Variants in GRIK2 observed in about 807,000 individuals in gnomAD.
GRIK2 encodes the protein glutamate receptor ionotropic, kainate 2.
A neutral mutation model predicts 100.3 loss-of-function variants in GRIK2; 32 were observed. That is an observed-to-expected ratio of 0.32 (90% CI 0.24 to 0.43). The LOEUF is 0.43. Among genes scored for constraint, GRIK2 ranks in the 20% least tolerant of loss-of-function variants. The pLI is 1.00. For missense variants in GRIK2, 843 were observed against 1,114.9 expected, an observed-to-expected ratio of 0.76 and a Z score of 3.47; for synonymous variants, 417 against 389.4, an observed-to-expected ratio of 1.07 and a Z score of -0.83.
At chr6:101,621,765 G>A (rs1333343780) in intron 2 of GRIK2, among the ~76,000 whole-genome samples, 184 bp from the exon 3 acceptor site, 1 of 151,934 alleles carries the variant, frequency 6.6e-6, no homozygotes, top group Non-Finnish European at 1.5e-5. Flanking sequence ...AGTTCATAAA[G>A]TAAGCACACA....
intron 10 of GRIK2, among the ~76,000 whole-genome samples, chr6:101,840,708 T>C: frequency 6.6e-6 from 1 of 152,232 alleles, no homozygotes; most frequent in East Asian, 1.9e-4. Context: ...CTGGAATGAA[T>C]ATTCTTAACT....
intron 7 of GRIK2, among the ~76,000 whole-genome samples, chr6:101,787,709 C>G (rs1779526673): frequency 2.6e-5 from 4 of 151,976 alleles, no homozygotes; most frequent in Admixed American, 2.6e-4. Flanking sequence ...TTTGTTGAAA[C>G]ATTTTGTGGC....
At chr6:101,611,364 T>C (rs1313006340) in intron 2 of GRIK2, among the ~76,000 whole-genome samples, 1 of 151,830 alleles carries the variant, frequency 6.6e-6, no homozygotes, top group East Asian at 1.9e-4. Context: ...GAGAATATGA[T>C]AGATGTAGGA....
rs1779266815 is a variant in GRIK2, at chr6:101,602,533, C to T, written c.116-19416C>T. Among the ~76,000 whole-genome samples the T allele has an allele frequency of 3.3e-5, 5 of 150,534 alleles. No homozygotes were observed. The South Asian group carries it at 1.0e-3, about 31-fold the overall frequency. On this transcript the variant is annotated intron_variant, in intron 2 of 16. Transcript: ENST00000369134. ...TAAAAATTTGAATTATACTGATTAT[C>T]AGAGGGAGAGAATGAATGATTAGTT...
chr6:101,821,585 T>C (rs1781949636), intron 10 of GRIK2, among the ~76,000 whole-genome samples: 2 of 152,118 alleles, frequency 1.3e-5, no homozygotes, highest in Admixed American at 1.3e-4. Flanking sequence ...TGCCAACTAC[T>C]TGTTTCTAAA....
chr6:101,644,303 G>C (rs1403056430), intron 4 of GRIK2, among the ~76,000 whole-genome samples: 1 of 151,710 alleles, frequency 6.6e-6, no homozygotes, highest in Non-Finnish European at 1.5e-5. Flanking sequence ...CTCAAGTAAT[G>C]TTAAGAGTAG....
chr6:101,419,056 T>C (rs975018756), intron 2 of GRIK2, among the ~76,000 whole-genome samples: 3 of 152,188 alleles, frequency 2.0e-5, no homozygotes, highest in African/African-American at 7.2e-5. Flanking sequence ...CTCTTACACA[T>C]CCTTCACTAA....
chr6:102,047,777 T>C (rs537263737), intron 15 of GRIK2, among the ~76,000 whole-genome samples: 1 of 151,842 alleles, frequency 6.6e-6, no homozygotes, highest in East Asian at 2.0e-4. Flanking sequence ...AAATATTTCT[T>C]CCTACCCAAA....
intron 2 of GRIK2, among the ~76,000 whole-genome samples, chr6:101,574,706 A>G (rs1040319665): frequency 1.3e-5 from 2 of 151,820 alleles, no homozygotes; most frequent in East Asian, 3.9e-4. Flanking sequence ...AAACCTGTTT[A>G]CTCGGATATT....
intron 4 of GRIK2, among the ~76,000 whole-genome samples, chr6:101,635,513 A>T (rs1780961630): frequency 6.6e-6 from 1 of 152,194 alleles, no homozygotes; most frequent in Non-Finnish European, 1.5e-5. Flanking sequence ...ATGGGATCTA[A>T]TTAAACTAAA....
chr6:101,587,520 T>C (rs1322915013), intron 2 of GRIK2, among the ~76,000 whole-genome samples: 1 of 152,128 alleles, frequency 6.6e-6, no homozygotes, highest in Non-Finnish European at 1.5e-5. Context: ...GAAGCAGTTA[T>C]ATTTAAGGAG....
chr6:101,673,252 A>C (rs535907429), intron 4 of GRIK2, among the ~76,000 whole-genome samples: 30 of 152,328 alleles, frequency 2.0e-4, no homozygotes, highest in Admixed American at 3.9e-4. Context: ...CAAACATATG[A>C]ACCAATGCTC....
intron 4 of GRIK2, among the ~76,000 whole-genome samples, chr6:101,674,319 T>C (rs1582937093): frequency 6.6e-6 from 1 of 152,316 alleles, no homozygotes; most frequent in South Asian, 2.1e-4. Context: ...GTTTAGATTG[T>C]AAGCAGCTCC....
At chr6:101,996,819 AG>A (rs1463568251) in intron 14 of GRIK2, among the ~76,000 whole-genome samples, 1 of 152,076 alleles carries the variant, frequency 6.6e-6, no homozygotes, top group Non-Finnish European at 1.5e-5. Flanking sequence ...ATCACTACTT[AG>A]AAACTTAGTT....
chr6:101,804,842 T>C (rs1780888433), intron 9 of GRIK2, among the ~76,000 whole-genome samples: 1 of 151,896 alleles, frequency 6.6e-6, no homozygotes, highest in African/African-American at 2.4e-5. Context: ...GTTTAGTCGG[T>C]TCTTAAGAAA....
rs1315524835 is a variant in GRIK2 at position 102,006,390 on chromosome 6, A to ATATTTT, written c.2086-28950_2086-28949insATTTTT. Among the ~76,000 whole-genome samples the ATATTTT allele has an allele frequency of 8.0e-4, 91 of 114,094 alleles. 1 individual carries two copies. The highest frequency in any genetic ancestry group is 7.1e-4 in the Admixed American group (8 of 11,342). The allele number at this position is 114,094 out of a possible 152,430, so 74.9% of individuals were successfully genotyped here. ...CTTTTATATATATATATATATATAT[A>ATATTTT]TTTTTTTTTTTTTTGAGACATACAG... On this transcript the variant is annotated intron_variant, in intron 14 of 16. Coordinates refer to ENST00000369134, the MANE Select transcript of GRIK2 (RefSeq NM_021956.5).
At chr6:101,950,951 C>A (rs1219318572) in intron 14 of GRIK2, among the ~76,000 whole-genome samples, 4 of 151,980 alleles carry the variant, frequency 2.6e-5, no homozygotes, top group South Asian at 2.1e-4. Context: ...CAAGCAAGGG[C>A]GGGCCATAGA....
At chr6:101,620,075 T>C (rs1320386449) in intron 2 of GRIK2, 1 of 152,666 alleles carries the variant, frequency 6.6e-6, no homozygotes, top group Admixed American at 6.5e-5. Flanking sequence ...GTAACCTCCC[T>C]TGTCATTCTT....
At chr6:101,475,129 C>T (rs1772161310) in intron 2 of GRIK2, among the ~76,000 whole-genome samples, 1 of 151,722 alleles carries the variant, frequency 6.6e-6, no homozygotes, top group African/African-American at 2.4e-5. Flanking sequence ...ATCTGCTTTC[C>T]CTGACTCTCT....
Sources: gnomAD v4.1 joint callset for allele counts (sites outside exome capture counted in the v4.1 genomes callset) on GRCh38, gnomAD v4.1.1 for gene constraint, MANE v1.5 for transcripts, NCBI Gene and HGNC (gene_info 2026-07-23, HGNC 2026-07-21) for gene names.